Variants in GSTA3 observed in about 807,000 individuals in gnomAD.
GSTA3 encodes the protein glutathione S-transferase alpha 3, also known as glutathione S-transferase A3.
GSTA3 carries 16 observed loss-of-function variants against 23.1 expected under a neutral mutation model. The ratio of observed to expected loss-of-function variants is 0.69; its 90% CI spans 0.47 to 1.05. GSTA3 has a LOEUF of 1.05. Among genes scored for constraint, GSTA3 ranks in the 50% least tolerant of loss-of-function variants. The pLI is 0.00. For missense variants in GSTA3, 319 were observed against 263.6 expected (o/e 1.21, Z -1.46); for synonymous variants, 122 against 91.0 (o/e 1.34, Z -1.94).
chr6:52,902,843 A>G (rs148690249), intron 3 of GSTA3, among the ~76,000 whole-genome samples: 1 of 152,200 alleles, frequency 6.6e-6, no homozygotes, highest in Admixed American at 6.5e-5. Context: ...GGTAAGTCTC[A>G]TGGTGTTCAT....
At chr6:52,908,185 A>T (rs1236455953) in intron 1 of GSTA3, among the ~76,000 whole-genome samples, 3 of 144,774 alleles carry the variant, frequency 2.1e-5, no homozygotes, top group African/African-American at 7.7e-5. Flanking sequence ...CCATTTGCCT[A>T]TAGCGCTCAC....
At chr6:52,907,674 G>T (rs1260200417) in intron 1 of GSTA3, among the ~76,000 whole-genome samples, 1 of 151,878 alleles carries the variant, frequency 6.6e-6, no homozygotes, top group Non-Finnish European at 1.5e-5. Flanking sequence ...TCCTTTGTAG[G>T]GACATGGATG....
chr6:52,907,271 A>G (rs1255740822), intron 1 of GSTA3, among the ~76,000 whole-genome samples: 1 of 114,694 alleles, frequency 8.7e-6, no homozygotes, highest in Non-Finnish European at 1.7e-5. Flanking sequence ...AACCACAATG[A>G]GATACCATCT....
chr6:52,902,614 A>G (rs1765730291), intron 3 of GSTA3, 136 bp from the exon 4 acceptor site: 1 of 876,242 alleles, frequency 1.1e-6, no homozygotes, highest in Non-Finnish European at 1.7e-6. Context: ...AAAACGAAAT[A>G]GTATTTTGAT....
At chr6:52,900,620 G>T (rs897918413) in intron 4 of GSTA3, among the ~76,000 whole-genome samples, 16 of 152,076 alleles carry the variant, frequency 1.1e-4, no homozygotes, top group African/African-American at 3.9e-4. Context: ...TCTTTGTTAT[G>T]CACATGACCA....
rs559023886 is a variant in GSTA3, at chr6:52,902,865, T to G, written c.140-387A>C. 2.6e-5 allele frequency among the ~76,000 whole-genome samples: 4 copies of G among 152,288 alleles called. No individual in the cohort carries two copies. In the South Asian group the frequency reaches 8.3e-4, roughly 32 times the overall value. On this transcript the variant is annotated intron_variant, in intron 3 of 6. Coordinates refer to ENST00000211122, the MANE Select transcript of GSTA3 (RefSeq NM_000847.5). Reference sequence around the variant, plus strand: ...CTCATGGTGTTCATGGCCTTTAAAGTAGGTTCTGAGACACAATTTTATGCA... The same window carrying G: ...CTCATGGTGTTCATGGCCTTTAAAGGAGGTTCTGAGACACAATTTTATGCA...
At chr6:52,904,571 G>A (rs1428878437) in intron 2 of GSTA3, among the ~76,000 whole-genome samples, 1 of 152,136 alleles carries the variant, frequency 6.6e-6, no homozygotes, top group South Asian at 2.1e-4. Flanking sequence ...GAGGCTGAAG[G>A]GGCGCGCTAG....
At chr6:52,904,528 G>A (rs1280353672) in intron 2 of GSTA3, among the ~76,000 whole-genome samples, 1 of 152,172 alleles carries the variant, frequency 6.6e-6, no homozygotes, top group African/African-American at 2.4e-5. Context: ...TGGAGAAAGT[G>A]CCGCCCCGAG....
At chr6:52,907,595 T>C (rs1017599064) in intron 1 of GSTA3, among the ~76,000 whole-genome samples, 1 of 151,152 alleles carries the variant, frequency 6.6e-6, no homozygotes, top group Middle Eastern at 3.2e-3. Flanking sequence ...AATGACAGAC[T>C]GGATTAAGAA....
Sources: gnomAD v4.1 joint callset for allele counts (sites outside exome capture counted in the v4.1 genomes callset) on GRCh38, gnomAD v4.1.1 for gene constraint, MANE v1.5 for transcripts, NCBI Gene and HGNC (gene_info 2026-07-23, HGNC 2026-07-21) for gene names.